The following SLC5A5 variants were observed in gnomAD, a reference collection of about 807,000 sequenced individuals.
SLC5A5 encodes the protein solute carrier family 5 member 5.
In SLC5A5, 56 loss-of-function variants were observed where a neutral mutation model predicts 68.6. The observed-to-expected ratio is 0.82, with a 90% CI of 0.66 to 1.02. The LOEUF is 1.02. Ranked by LOEUF, SLC5A5 falls within the 50% of genes least tolerant of loss-of-function variation. SLC5A5 has a pLI of 0.00. For synonymous variants in SLC5A5, 398 were observed against 373.0 expected, an observed-to-expected ratio of 1.07 and a Z score of -0.77; for missense variants, 807 against 859.8, an observed-to-expected ratio of 0.94 and a Z score of 0.77.
At chr19:17,889,453 AG>A in intron 13 of SLC5A5, among the ~76,000 whole-genome samples, 3 of 128,128 alleles carry the variant, frequency 2.3e-5, no homozygotes, top group African/African-American at 1.3e-4. Context: ...AAAGAGAAAG[AG>A]AGAGAGAGAG....
rs940992029 is a variant in SLC5A5 at position 17,882,343 on chromosome 19, T to C, written c.1242+124T>C. The C allele has an allele frequency of 6.2e-6, 5 of 809,318 alleles. No homozygotes were observed. In the African/African-American group the frequency reaches 8.6e-5, roughly 14 times the overall value. The allele number at this position is 809,318 out of a possible 1,614,324, so 50.1% of individuals were successfully genotyped here. A position where few individuals can be genotyped will look rare whatever the true frequency, so the allele number is the denominator to read the frequency against. ...GTGGCAGAACTCACTTCTATGTTTT[T>C]TTTTTTTTTGAGATGGGGTCTCACT... is the stretch of plus-strand genomic sequence containing the variant. On this transcript the variant is annotated intron_variant, in intron 10 of 14. Transcript: ENST00000222248.
At chr19:17,880,992 C>T in intron 8 of SLC5A5, 39 bp downstream of exon 8, 1 of 1,470,998 alleles carries the variant, frequency 6.8e-7, no homozygotes, top group Non-Finnish European at 9.5e-7. Flanking sequence ...TTATTTCAGC[C>T]CCTGGGAGCC....
Position 17,883,780 on chromosome 19 carries a change from G to A in SLC5A5, c.1329+13G>A. The stretch of plus-strand genomic sequence containing the variant: ...CTGCAACACACCGGTGAGTGGGGGC[G>A]GGGCAAGGGGCGGGGAGGGGCGGGG... On this transcript the variant is annotated intron_variant, in intron 11 of 14. Transcript: ENST00000222248. The A allele has an allele frequency of 6.2e-7, 1 of 1,610,276 alleles. No individual in the cohort carries two copies. The highest frequency in any genetic ancestry group is 1.3e-5 in the African/African-American group (1 of 74,878).
intron 5 of SLC5A5, among the ~76,000 whole-genome samples, chr19:17,876,426 CAAAAA>C (rs60457185): frequency 1.1e-5 from 1 of 87,408 alleles, no homozygotes; most frequent in African/African-American, 4.2e-5. Flanking sequence ...GACCCTGTCT[CAAAAA>C]AAAAAAAAAA....
Position 17,888,454 on chromosome 19 carries a change from A to C in SLC5A5, c.1650A>C (p.Thr550=), listed in dbSNP as rs1274062811. 1.2e-6 allele frequency: 2 copies of C among 1,613,616 alleles called. No homozygotes were observed. Among genetic ancestry groups the C allele is most frequent in the African/African-American group, 2.7e-5 (2 of 74,876 alleles). The change falls in exon 13 of 15, where the codon ACA becomes ACC. Residue 550 remains threonine, a splice_region_variant and synonymous_variant. Transcript: ENST00000222248. ...GCGGAGCCCTCATCAGCTGCCTGAC[A>C]GGTAGGTAAACAGAGCATGTGGCCT... ...VLCGALISCL[T]GPTKRSTLAP...
Position 17,883,710 on chromosome 19 carries a change from C to A in SLC5A5, c.1272C>A (p.Ser424Arg). The change falls in exon 11 of 15, where the codon AGC (serine) becomes AGA (arginine). Residue 424 changes from serine to arginine, a missense_variant. Ser to Arg is a moderately radical substitution (Grantham distance 110, BLOSUM62 -1). Coordinates refer to ENST00000222248, the MANE Select transcript of SLC5A5 (RefSeq NM_000453.3). ...QGSFTVMGVI[S>R]GPLLGAFILG... Reference sequence around the variant, plus strand: ...CCTTCACCGTCATGGGAGTCATCAGCGGCCCCCTGCTGGGAGCCTTCATCT... The same window carrying A: ...CCTTCACCGTCATGGGAGTCATCAGAGGCCCCCTGCTGGGAGCCTTCATCT... 6.2e-7 allele frequency: 1 copy of A among 1,607,620 alleles called. No individual in the cohort carries two copies. The highest frequency in any genetic ancestry group is 1.1e-5 in the South Asian group (1 of 90,870).
intron 13 of SLC5A5, among the ~76,000 whole-genome samples, chr19:17,888,965 A>C (rs2030040377): frequency 7.0e-6 from 1 of 142,948 alleles, no homozygotes; most frequent in South Asian, 2.1e-4. Flanking sequence ...GTGAGGAAAA[A>C]AGAAGTGTGT....
intron 12 of SLC5A5, among the ~76,000 whole-genome samples, chr19:17,886,328 G>A (rs59139466): frequency 0.025 from 2,869 of 116,394 alleles, 91 homozygotes; most frequent in African/African-American, 0.089. Context: ...TTTTTTTTTA[G>A]ATGGAGTCTT....
At chr19:17,887,083 A>AAAAC (rs1042193529) in intron 12 of SLC5A5, among the ~76,000 whole-genome samples, 1 of 152,026 alleles carries the variant, frequency 6.6e-6, no homozygotes, top group Non-Finnish European at 1.5e-5. Flanking sequence ...CTCAAATTAA[A>AAAAC]AAACAAACAA....
At chr19:17,879,340 A>G (rs2094315357) in intron 7 of SLC5A5, among the ~76,000 whole-genome samples, 1 of 152,140 alleles carries the variant, frequency 6.6e-6, no homozygotes, top group African/African-American at 2.4e-5. Flanking sequence ...AAACAAAAAC[A>G]AAAACTGTAA....
rs769702199 is a variant in SLC5A5, at chr19:17,874,519, A to C, written c.449A>C (p.Tyr150Ser). 4.3e-6 allele frequency: 7 copies of C among 1,613,778 alleles called. No individual in the cohort carries two copies. The highest frequency in any genetic ancestry group is 1.1e-5 in the South Asian group (1 of 91,040). The change falls in exon 3 of 15, where the codon TAC becomes TCC. Residue 150 changes from tyrosine to serine, a missense_variant. Transcript: ENST00000222248. The part of the protein sequence containing the change: ...ATMLYTGIVI[Y>S]APALILNQVT... ...ATGCTGTACACCGGCATCGTAATCT[A>C]CGCACCGGCCCTCATCCTGAACCAA...
At chr19:17,892,365 A>C (rs1468245794) in intron 14 of SLC5A5, among the ~76,000 whole-genome samples, 1 of 149,528 alleles carries the variant, frequency 6.7e-6, no homozygotes, top group Non-Finnish European at 1.5e-5. Flanking sequence ...GCCAGGCGTG[A>C]TGGCTCACCC....
At chr19:17,893,221 A>G (rs1423429412) in intron 14 of SLC5A5, among the ~76,000 whole-genome samples, 1 of 141,876 alleles carries the variant, frequency 7.0e-6, no homozygotes, top group Non-Finnish European at 1.5e-5. Flanking sequence ...CCATCTTTCA[A>G]CCTCCTGAGT....
intron 5 of SLC5A5, among the ~76,000 whole-genome samples, chr19:17,876,907 G>A (rs2094308851): frequency 6.6e-6 from 1 of 151,508 alleles, no homozygotes; most frequent in East Asian, 1.9e-4. Flanking sequence ...GCGCATGCCT[G>A]TAATTCCAGC....
At chr19:17,872,749 G>A (rs2094297511) in intron 1 of SLC5A5, 73 bp downstream of exon 1, 2 of 989,666 alleles carry the variant, frequency 2.0e-6, no homozygotes, top group South Asian at 2.6e-5. Context: ...GGAGGCGCTG[G>A]GGCTTTGGGC....
intron 1 of SLC5A5, 144 bp from the exon 2 acceptor site, chr19:17,873,994 G>A (rs966222463): frequency 1.6e-5 from 11 of 703,778 alleles, no homozygotes; most frequent in Non-Finnish European, 2.9e-5. Context: ...GTGTGTGCGT[G>A]CGGCGGGGCC....
At position 17,893,922 on chromosome 19, in the gene SLC5A5, G is replaced by C. The variant is rs1568428055; in HGVS notation, c.*45G>C. 2 of 1,537,420 alleles carry C rather than the reference G, an allele frequency of 1.3e-6. No homozygotes were observed. Among genetic ancestry groups the C allele is most frequent in the Admixed American group, 3.9e-5 (2 of 50,992 alleles). On this transcript the variant is annotated 3_prime_UTR_variant, in exon 15 of 15. Transcript: ENST00000222248. The stretch of plus-strand genomic sequence containing the variant: ...ACTGACACCCTGGGATGGAACCTCA[G>C]GATGGGCCAAACCCAGACAACGGGC...
Position 17,882,130 on chromosome 19 carries a change from C to T in SLC5A5, c.1172-19C>T. 2 of 1,613,616 alleles carry T rather than the reference C, an allele frequency of 1.2e-6. No homozygotes were observed. Among genetic ancestry groups the T allele is most frequent in the Admixed American group, 1.7e-5 (1 of 60,004 alleles). ...GGGCAGTCCCTCCCCGTTGACCGTG[C>T]CATCCTCATCCACTACAGCACTCAT... On this transcript the variant is annotated intron_variant, in intron 9 of 14. Coordinates refer to ENST00000222248, the MANE Select transcript of SLC5A5 (RefSeq NM_000453.3).
chr19:17,884,322 G>C (rs7245484), intron 12 of SLC5A5, among the ~76,000 whole-genome samples: 36 of 152,144 alleles, frequency 2.4e-4, no homozygotes, highest in African/African-American at 8.0e-4. Flanking sequence ...TTCTGAGACA[G>C]AGCCTCGCTC....
Sources: gnomAD v4.1 joint callset for allele counts (sites outside exome capture counted in the v4.1 genomes callset) on GRCh38, gnomAD v4.1.1 for gene constraint, MANE v1.5 for transcripts, NCBI Gene and HGNC (gene_info 2026-07-23, HGNC 2026-07-21) for gene names.